The following KATNBL1 variants were observed in gnomAD, a reference collection of about 807,000 sequenced individuals.
The protein encoded by KATNBL1 is katanin regulatory subunit B1 like 1.
KATNBL1 carries 28 observed loss-of-function variants against 44.7 expected under a neutral mutation model. That is an observed-to-expected ratio of 0.63 (90% CI 0.46 to 0.86). KATNBL1 has a LOEUF of 0.86. KATNBL1 is among the 40% of genes least tolerant of loss of function. KATNBL1 has a pLI of 0.00. For missense variants in KATNBL1, 272 were observed against 350.7 expected, an observed-to-expected ratio of 0.78 and a Z score of 1.79; for synonymous variants, 78 against 114.9, an observed-to-expected ratio of 0.68 and a Z score of 2.06.
At chr15:34,151,795 C>T (rs950951892) in intron 4 of KATNBL1, among the ~76,000 whole-genome samples, 1 of 152,094 alleles carries the variant, frequency 6.6e-6, no homozygotes, top group East Asian at 1.9e-4. Context: ...ATTTCTATCA[C>T]TCTCAAAAAC....
At chr15:34,172,153 T>C (rs1003356878) in intron 1 of KATNBL1, among the ~76,000 whole-genome samples, 3 of 151,940 alleles carry the variant, frequency 2.0e-5, no homozygotes, top group Non-Finnish European at 2.9e-5. Flanking sequence ...TGAATATCCA[T>C]TTAAGACACA....
chr15:34,205,895 CTATCA>C (rs1452771596), intron 1 of KATNBL1, among the ~76,000 whole-genome samples: 2 of 152,190 alleles, frequency 1.3e-5, no homozygotes, highest in East Asian at 3.9e-4. Context: ...TTCCTCAATC[CTATCA>C]TATAAGTAGC....
chr15:34,169,059 G>T (rs1158111948), intron 1 of KATNBL1, among the ~76,000 whole-genome samples: 3 of 152,066 alleles, frequency 2.0e-5, no homozygotes, highest in Non-Finnish European at 4.4e-5. Flanking sequence ...AAATTCAAAA[G>T]GTAGCAGAAG....
intron 1 of KATNBL1, among the ~76,000 whole-genome samples, chr15:34,191,816 G>A (rs1889881879): frequency 6.6e-6 from 1 of 151,532 alleles, no homozygotes; most frequent in Admixed American, 6.6e-5. Flanking sequence ...GCGTGGTGGC[G>A]GGCGCCTGTA....
rs572381001 is a variant in KATNBL1, at chr15:34,191,953, CAAA to C, written c.-15+17995_-15+17997del. ...CAGAGCACACAGTGAGACTCCATCT[CAAA>C]AAAAAAAAAAAAAAAAATCCATCCT... On this transcript the variant is annotated intron_variant, in intron 1 of 9. Transcript: ENST00000256544. Among the ~76,000 whole-genome samples, 494 of 90,624 alleles carry C rather than the reference CAAA, an allele frequency of 5.5e-3. 3 individuals carry two copies. Among genetic ancestry groups the C allele is most frequent in the African/African-American group, 0.018 (452 of 25,136 alleles). 59.5% of individuals were successfully genotyped at this position (90,624 alleles called of 152,430 possible). A position where few individuals can be genotyped will look rare whatever the true frequency, so the allele number is the denominator to read the frequency against.
rs1888532855 is a variant in KATNBL1, at chr15:34,153,062, C to T, written c.166G>A (p.Gly56Arg). The stretch of plus-strand genomic sequence containing the variant: ...TTATCTGGGCTTTTCACAGTTTGTC[C>T]AACTGTTCTGTAAAAAGAATTTATT... ...QLAAYINRTVGQTVKSPDKLR... is the reference protein window; with the variant it reads ...QLAAYINRTVRQTVKSPDKLR... Residue 56 changes from glycine to arginine, a missense_variant, in exon 4 of 10, where the codon GGA becomes AGA. Coordinates refer to ENST00000256544, the MANE Select transcript of KATNBL1 (RefSeq NM_024713.3). The T allele has an allele frequency of 1.3e-6, 2 of 1,596,970 alleles. No individual in the cohort carries two copies. The highest frequency in any genetic ancestry group is 1.1e-5 in the South Asian group (1 of 87,968).
chr15:34,206,256 C>T (rs1418330599), intron 1 of KATNBL1, among the ~76,000 whole-genome samples: 1 of 152,048 alleles, frequency 6.6e-6, no homozygotes, highest in Non-Finnish European at 1.5e-5. Flanking sequence ...GGGTGACTTG[C>T]TCAAGGCAAA....
chr15:34,179,561 C>T (rs895820776), intron 1 of KATNBL1, among the ~76,000 whole-genome samples: 2 of 152,008 alleles, frequency 1.3e-5, no homozygotes, highest in African/African-American at 2.4e-5. Context: ...CTCAAACTCC[C>T]GGACTCAAGA....
At chr15:34,156,590 A>C (rs946474043) in intron 2 of KATNBL1, among the ~76,000 whole-genome samples, 2 of 152,204 alleles carry the variant, frequency 1.3e-5, no homozygotes, top group Non-Finnish European at 2.9e-5. Flanking sequence ...TCTTGTCATT[A>C]GATGGAGGAA....
rs145189201 is a variant in KATNBL1 at position 34,152,696 on chromosome 15, C to T, written c.438+94G>A. 1.0e-4 allele frequency: 107 copies of T among 1,037,996 alleles called. No individual in the cohort carries two copies. The African/African-American group carries it at 1.5e-3, about 14-fold the overall frequency. 64.3% of individuals were successfully genotyped at this position (1,037,996 alleles called of 1,614,324 possible). A position where few individuals can be genotyped will look rare whatever the true frequency, so the allele number is the denominator to read the frequency against. On this transcript the variant is annotated intron_variant, in intron 4 of 9. Coordinates refer to ENST00000256544, the MANE Select transcript of KATNBL1 (RefSeq NM_024713.3). ...AAATAAGTCTACATTCAATAGGTGA[C>T]AAATTATTCTGCTAGTGGAATATGG...
intron 1 of KATNBL1, among the ~76,000 whole-genome samples, chr15:34,199,310 G>A (rs192665781): frequency 7.2e-4 from 109 of 152,228 alleles, no homozygotes; most frequent in Non-Finnish European, 1.4e-3. Context: ...GGTGGCATGA[G>A]CCTCGAGTCC....
In KATNBL1 at chr15:34,141,538, A is replaced by G. The variant is rs1012705983; in HGVS notation, c.*801T>C. 1 of 152,614 alleles carries G rather than the reference A, an allele frequency of 6.6e-6. No homozygotes were observed. Among genetic ancestry groups the G allele is most frequent in the Non-Finnish European group, 1.5e-5 (1 of 68,000 alleles). 9.5% of individuals were successfully genotyped at this position (152,614 alleles called of 1,614,324 possible). A position where few individuals can be genotyped will look rare whatever the true frequency, so the allele number is the denominator to read the frequency against. ...ATTTCCAGTTAAACATTCATACAAA[A>G]ACATATTCACCTTTTTCCTTAGATA... On this transcript the variant is annotated 3_prime_UTR_variant, in exon 10 of 10. Transcript: ENST00000256544.
At chr15:34,175,768 T>G (rs1028778615) in intron 1 of KATNBL1, among the ~76,000 whole-genome samples, 3 of 152,182 alleles carry the variant, frequency 2.0e-5, no homozygotes, top group Non-Finnish European at 4.4e-5. Context: ...GAAAATGTAT[T>G]TTCCAAATAT....
intron 1 of KATNBL1, among the ~76,000 whole-genome samples, chr15:34,192,308 G>GC (rs1216612601): frequency 6.6e-6 from 1 of 151,530 alleles, no homozygotes; most frequent in Non-Finnish European, 1.5e-5. Context: ...GGAGGCTGAA[G>GC]CAGGAGAATT....
At chr15:34,200,265 T>A (rs1890145138) in intron 1 of KATNBL1, among the ~76,000 whole-genome samples, 1 of 152,104 alleles carries the variant, frequency 6.6e-6, no homozygotes, top group Non-Finnish European at 1.5e-5. Context: ...CTCTTCTTTT[T>A]TTTTTGAGAT....
Position 34,147,181 on chromosome 15 carries a change from G to A in KATNBL1, c.698+19C>T, listed in dbSNP as rs765849647. 6.8e-7 allele frequency: 1 copy of A among 1,461,416 alleles called. No homozygotes were observed. The highest frequency in any genetic ancestry group is 9.6e-7 in the Non-Finnish European group (1 of 1,045,826). The allele number at this position is 1,461,416 out of a possible 1,614,324, so 90.5% of individuals were successfully genotyped here. A position where few individuals can be genotyped will look rare whatever the true frequency, so the allele number is the denominator to read the frequency against. On this transcript the variant is annotated intron_variant, in intron 7 of 9. Coordinates refer to ENST00000256544, the MANE Select transcript of KATNBL1 (RefSeq NM_024713.3). ...ATGCTGAAAAAGAAAAATGAATCAA[G>A]ATTCAGATTAGCACTTACTCTTCAA...
intron 1 of KATNBL1, among the ~76,000 whole-genome samples, chr15:34,179,100 A>G (rs1889439576): frequency 6.6e-6 from 1 of 152,194 alleles, no homozygotes; most frequent in South Asian, 2.1e-4. Flanking sequence ...TCCAAAAATA[A>G]TGGTTGTCTT....
At chr15:34,185,359 C>T (rs547635367) in intron 1 of KATNBL1, among the ~76,000 whole-genome samples, 2 of 152,298 alleles carry the variant, frequency 1.3e-5, no homozygotes, top group East Asian at 3.9e-4. Context: ...TAAGACTTAA[C>T]AATCTACAAA....
At chr15:34,199,836 GAACAA>G (rs1890129524) in intron 1 of KATNBL1, 2 of 446 alleles carry the variant, frequency 4.5e-3, no homozygotes, top group Non-Finnish European at 9.4e-3. Flanking sequence ...AAGACGGAAA[GAACAA>G]AGTACGGAAA....
Sources: allele counts gnomAD v4.1 joint callset (sites outside exome capture counted in the v4.1 genomes callset), GRCh38; gene constraint gnomAD v4.1.1; transcripts MANE v1.5; gene names NCBI Gene and HGNC (gene_info 2026-07-23, HGNC 2026-07-21).